ZFP90: variants seen among roughly 807,000 people sequenced by gnomAD.
ZFP90 encodes zinc finger protein 90 homolog.
ZFP90 carries 38 observed loss-of-function variants against 60.8 expected under a neutral mutation model. The ratio of observed to expected loss-of-function variants is 0.62; its 90% CI spans 0.48 to 0.82. ZFP90 has a LOEUF of 0.82. ZFP90 is among the 40% of genes least tolerant of loss of function. The pLI is 0.00. For synonymous variants in ZFP90, 287 were observed against 264.8 expected (o/e 1.08, Z -0.82); for missense variants, 711 against 759.1 (o/e 0.94, Z 0.74).
chr16:68,572,879 G>C (rs879435209), intron 2 of ZFP90, among the ~76,000 whole-genome samples: 95 of 152,238 alleles, frequency 6.2e-4, no homozygotes, highest in Non-Finnish European at 1.1e-3. Context: ...ATTTCAGAAG[G>C]GAGGGGGCTG....
chr16:68,553,689 G>A (rs1434351168), intron 2 of ZFP90, among the ~76,000 whole-genome samples: 1 of 152,150 alleles, frequency 6.6e-6, no homozygotes, highest in Non-Finnish European at 1.5e-5. Context: ...TGTCATCGTG[G>A]CTCACTGTAG....
At chr16:68,539,281 G>T (rs1268816682), upstream of ZFP90, 1 of 156,142 alleles carries the variant, frequency 6.4e-6, no homozygotes, top group Non-Finnish European at 1.4e-5. Context: ...GGCTCCGAGT[G>T]CGCAGGCGCA....
intron 2 of ZFP90, among the ~76,000 whole-genome samples, chr16:68,548,783 C>G (rs2091202082): frequency 6.6e-6 from 1 of 152,148 alleles, no homozygotes; most frequent in Non-Finnish European, 1.5e-5. Context: ...AGCCACTGTG[C>G]CCAGCCTTAT....
upstream of ZFP90, among the ~76,000 whole-genome samples, chr16:68,538,706 C>CAAA (rs34774456): frequency 8.7e-3 from 1,258 of 145,308 alleles, 7 homozygotes; most frequent in African/African-American, 0.02. Context: ...AACTGTGTCT[C>CAAA]AAAAAAAAAA....
intron 2 of ZFP90, among the ~76,000 whole-genome samples, chr16:68,540,102 C>T (rs1167700395): frequency 6.6e-6 from 1 of 152,062 alleles, no homozygotes; most frequent in African/African-American, 2.4e-5. Flanking sequence ...GTCCTGAATG[C>T]CACGCCAGTT....
At chr16:68,550,224 C>T (rs1043064406) in intron 2 of ZFP90, among the ~76,000 whole-genome samples, 1 of 151,878 alleles carries the variant, frequency 6.6e-6, no homozygotes, top group Non-Finnish European at 1.5e-5. Flanking sequence ...ACATTCTTTC[C>T]TTGATAGTAA....
chr16:68,558,619 C>A, intron 4 of ZFP90, 51 bp downstream of exon 4: 1 of 1,526,250 alleles, frequency 6.6e-7, no homozygotes, highest in Non-Finnish European at 9.1e-7. Context: ...AATGGCACAA[C>A]TTAGGGAGGG....
At chr16:68,570,616 T>C (rs757867571), downstream of ZFP90, among the ~76,000 whole-genome samples, 1 of 152,236 alleles carries the variant, frequency 6.6e-6, no homozygotes, top group Non-Finnish European at 1.5e-5. Context: ...CTTACGCTAA[T>C]GAGCAACGAA....
chr16:68,570,838 T>C (rs1242901920), downstream of ZFP90, among the ~76,000 whole-genome samples: 4 of 152,238 alleles, frequency 2.6e-5, no homozygotes, highest in Non-Finnish European at 5.9e-5. Context: ...TTTCTTATCC[T>C]TTATTGACAG....
chr16:68,574,255 A>T (rs1252664663), intron 2 of ZFP90: 5 of 103,942 alleles, frequency 4.8e-5, no homozygotes, highest in South Asian at 3.1e-4. Flanking sequence ...AAAAAAAAAA[A>T]GGTTTTTCTT....
chr16:68,547,947 T>C (rs939353569), intron 2 of ZFP90, among the ~76,000 whole-genome samples: 1 of 151,746 alleles, frequency 6.6e-6, no homozygotes, highest in Middle Eastern at 3.4e-3. Flanking sequence ...CCTGCCTCAG[T>C]CTTCCAAGTA....
chr16:68,541,018 C>T (rs370507165), intron 2 of ZFP90, among the ~76,000 whole-genome samples: 7 of 150,400 alleles, frequency 4.7e-5, no homozygotes, highest in African/African-American at 1.5e-4. Flanking sequence ...CCACCATGCC[C>T]GGCTAATTTT....
At position 68,563,489 on chromosome 16, in the gene ZFP90, A is replaced by G. The variant is rs1406755915; in HGVS notation, c.702A>G (p.Lys234=). 1.2e-6 allele frequency: 2 copies of G among 1,614,102 alleles called. No homozygotes were observed. The highest frequency in any genetic ancestry group is 1.3e-5 in the African/African-American group (1 of 74,950). The change falls in exon 5 of 5, where the codon AAA becomes AAG. Residue 234 remains lysine, a synonymous_variant. Transcript: ENST00000563169. ...TTACTAAACATGAGAAAACACATAAAGGAGAGGGAGCTTTCCCTAATGGAA... is the reference window on the plus strand; with the variant it reads ...TTACTAAACATGAGAAAACACATAAGGGAGAGGGAGCTTTCCCTAATGGAA... ...SSLTKHEKTH[K]GEGAFPNGTD...
chr16:68,562,928 A>G, intron 4 of ZFP90, 116 bp from the exon 5 acceptor site: 1 of 1,550,164 alleles, frequency 6.5e-7, no homozygotes, highest in South Asian at 1.2e-5. Context: ...CTCAGGATAC[A>G]GGAGTAATTT....
At chr16:68,536,868 A>G (rs571528047), upstream of ZFP90, among the ~76,000 whole-genome samples, 1 of 152,290 alleles carries the variant, frequency 6.6e-6, no homozygotes, top group Non-Finnish European at 1.5e-5. Context: ...CACTGCTGTT[A>G]CTAAGCCAAT....
upstream of ZFP90, among the ~76,000 whole-genome samples, chr16:68,537,447 C>T (rs1224081414): frequency 2.0e-5 from 3 of 152,134 alleles, no homozygotes; most frequent in Admixed American, 6.5e-5. Flanking sequence ...TAAGTTGCAG[C>T]TACTAAGTCA....
chr16:68,543,710 G>A (rs868594952), intron 2 of ZFP90, among the ~76,000 whole-genome samples: 54 of 150,596 alleles, frequency 3.6e-4, no homozygotes, highest in African/African-American at 1.3e-3. Flanking sequence ...ACAGGCATGT[G>A]TCACCACGCC....
At chr16:68,546,368 C>A (rs1475879637) in intron 2 of ZFP90, among the ~76,000 whole-genome samples, 1 of 152,154 alleles carries the variant, frequency 6.6e-6, no homozygotes, top group Non-Finnish European at 1.5e-5. Flanking sequence ...CAAAATTCTT[C>A]ATCTTGTAAA....
chr16:68,574,122 C>T (rs1307485830), intron 2 of ZFP90: 3 of 145,076 alleles, frequency 2.1e-5, no homozygotes, highest in African/African-American at 7.7e-5. Context: ...TGGCAGGAGA[C>T]TGCCATCTCC....
Sources: gnomAD v4.1 joint callset for allele counts (sites outside exome capture counted in the v4.1 genomes callset) on GRCh38, gnomAD v4.1.1 for gene constraint, MANE v1.5 for transcripts, NCBI Gene and HGNC (gene_info 2026-07-23, HGNC 2026-07-21) for gene names.